Variants in CHST11 observed in about 807,000 individuals in gnomAD.
CHST11 encodes carbohydrate sulfotransferase 11.
CHST11 carries 9 observed loss-of-function variants against 30.4 expected under a neutral mutation model. That is an observed-to-expected ratio of 0.30 (90% CI 0.18 to 0.52). The LOEUF is 0.52. Ranked by LOEUF, CHST11 falls within the 20% of genes least tolerant of loss-of-function variation. The pLI is 0.97. For missense variants in CHST11, 348 were observed against 460.6 expected, an observed-to-expected ratio of 0.76 and a Z score of 2.24; for synonymous variants, 152 against 187.8, an observed-to-expected ratio of 0.81 and a Z score of 1.56.
chr12:104,688,126 G>A (rs537213272), intron 2 of CHST11, among the ~76,000 whole-genome samples: 39 of 152,306 alleles, frequency 2.6e-4, no homozygotes, highest in Admixed American at 2.2e-3. Flanking sequence ...CGTTAAGAAC[G>A]CCAGGCTGTT....
At chr12:104,502,611 G>T (rs1320891633) in intron 1 of CHST11, among the ~76,000 whole-genome samples, 2 of 152,198 alleles carry the variant, frequency 1.3e-5, no homozygotes, top group African/African-American at 2.4e-5. Context: ...AGGTGATCCA[G>T]ATGGAGAGAG....
At chr12:104,625,042 A>T (rs1022655679) in intron 2 of CHST11, among the ~76,000 whole-genome samples, 9 of 152,348 alleles carry the variant, frequency 5.9e-5, no homozygotes, top group Admixed American at 2.0e-4. Flanking sequence ...TGGAGGATAG[A>T]GCTTCAACAT....
intron 2 of CHST11, among the ~76,000 whole-genome samples, chr12:104,673,853 G>A (rs1186122272): frequency 2.0e-5 from 3 of 152,214 alleles, no homozygotes; most frequent in African/African-American, 4.8e-5. Flanking sequence ...GGTCAGCCTC[G>A]TGACACATGT....
intron 2 of CHST11, among the ~76,000 whole-genome samples, chr12:104,650,518 G>C (rs1027564306): frequency 6.6e-6 from 1 of 152,112 alleles, no homozygotes; most frequent in African/African-American, 2.4e-5. Flanking sequence ...TCTATGAGAG[G>C]AGTCTCTAGA....
At chr12:104,737,386 G>T (rs914175703) in intron 2 of CHST11, among the ~76,000 whole-genome samples, 34 of 152,246 alleles carry the variant, frequency 2.2e-4, no homozygotes, top group African/African-American at 8.0e-4. Flanking sequence ...ATGAATTCAA[G>T]CCCTCTGAGC....
Position 104,757,298 on chromosome 12 carries a change from T to C in CHST11, c.554T>C (p.Val185Ala). Reference protein sequence around the residue: ...RLKSYMKFLFVREPFERLVSA... With the variant: ...RLKSYMKFLFAREPFERLVSA... ...AAAAGCTACATGAAGTTCCTGTTTG[T>C]CCGGGAGCCCTTCGAGAGGCTAGTG... Residue 185 changes from valine to alanine, a missense_variant, in exon 3 of 3, where the codon GTC becomes GCC. Physicochemically the swap from Val to Ala is moderately conservative, Grantham distance 64 (BLOSUM62 0). This residue lies in a region of CHST11 where 210 missense variants were observed against 287.2 expected (regional missense o/e 0.73). Coordinates refer to ENST00000303694, the MANE Select transcript of CHST11 (RefSeq NM_018413.6). The surrounding 1 kb of genome is among the most constrained non-coding windows in gnomAD (Gnocchi z 6.5). 2 of 1,614,102 alleles carry C rather than the reference T, an allele frequency of 1.2e-6. No homozygotes were observed.
chr12:104,458,093 C>CG lies in CHST11; in HGVS notation c.118+567dup, dbSNP rs2037372719. On this transcript the variant is annotated intron_variant, in intron 1 of 2. Coordinates refer to ENST00000303694, the MANE Select transcript of CHST11 (RefSeq NM_018413.6). The surrounding 1 kb of genome is among the most constrained non-coding windows in gnomAD (Gnocchi z 5.7). ...CCCGGGACTGGGCTCCCACGTGTCC[C>CG]GGGCTCCGCGCAGAGCTGAGCAGGT... 6.6e-6 allele frequency among the ~76,000 whole-genome samples: 1 copy of CG among 151,902 alleles called. No individual in the cohort carries two copies. The highest frequency in any genetic ancestry group is 1.5e-5 in the Non-Finnish European group (1 of 67,946).
chr12:104,553,329 A>G (rs1252557532), intron 1 of CHST11: 2 of 152,250 alleles, frequency 1.3e-5, no homozygotes, highest in Non-Finnish European at 2.9e-5. Context: ...TTTGAGCTGA[A>G]TTTCCAAAGG....
At chr12:104,570,318 G>A (rs554618219) in intron 1 of CHST11, among the ~76,000 whole-genome samples, 7 of 152,062 alleles carry the variant, frequency 4.6e-5, no homozygotes, top group Non-Finnish European at 1.0e-4. Flanking sequence ...CATTTCGCAA[G>A]CCTCCCCCTC....
At position 104,686,410 on chromosome 12, in the gene CHST11, C is replaced by T. The variant is rs1433972505; in HGVS notation, c.205-70539C>T. Among the ~76,000 whole-genome samples, 4 of 152,006 alleles carry T rather than the reference C, an allele frequency of 2.6e-5. No homozygotes were observed. The East Asian group carries it at 5.8e-4, about 22-fold the overall frequency. ...CCTCTGCTCACTCAGGTGCAGAAGACAGTAAAGACTAGAAAGTTGGTTGAT... is the reference window on the plus strand; with the variant it reads ...CCTCTGCTCACTCAGGTGCAGAAGATAGTAAAGACTAGAAAGTTGGTTGAT... On this transcript the variant is annotated intron_variant, in intron 2 of 2. Transcript: ENST00000303694.
chr12:104,744,575 T>C (rs2040373989), intron 2 of CHST11, among the ~76,000 whole-genome samples: 1 of 152,240 alleles, frequency 6.6e-6, no homozygotes, highest in South Asian at 2.1e-4. Context: ...CTGTTGATAG[T>C]TTCTTTTGCT....
chr12:104,465,482 A>G (rs2037448508), intron 1 of CHST11, among the ~76,000 whole-genome samples: 1 of 152,202 alleles, frequency 6.6e-6, no homozygotes, highest in African/African-American at 2.4e-5. Context: ...TTTCAAGGCT[A>G]CTGAGCTGTC....
chr12:104,683,979 G>A (rs2039821970), intron 2 of CHST11, among the ~76,000 whole-genome samples: 1 of 152,202 alleles, frequency 6.6e-6, no homozygotes, highest in African/African-American at 2.4e-5. Context: ...AGGGCAGAGA[G>A]GTGAAAGAAT....
chr12:104,685,046 G>T (rs11112167), intron 2 of CHST11, among the ~76,000 whole-genome samples: 9,862 of 152,238 alleles, frequency 0.065, 593 homozygotes, highest in East Asian at 0.3. Flanking sequence ...CATGGATTTT[G>T]TTCCTCCTCT....
intron 1 of CHST11, among the ~76,000 whole-genome samples, chr12:104,599,956 C>T (rs1165438751): frequency 6.6e-6 from 1 of 152,204 alleles, no homozygotes; most frequent in African/African-American, 2.4e-5. Flanking sequence ...CCAGCCACAC[C>T]CATTCATTTC....
At chr12:104,586,673 T>C (rs2038807687) in intron 1 of CHST11, among the ~76,000 whole-genome samples, 1 of 152,248 alleles carries the variant, frequency 6.6e-6, no homozygotes, top group Non-Finnish European at 1.5e-5. Context: ...CACTTCGGCA[T>C]GTTTTCTGCC....
At chr12:104,466,241 G>T (rs1484041961) in intron 1 of CHST11, among the ~76,000 whole-genome samples, 1 of 152,056 alleles carries the variant, frequency 6.6e-6, no homozygotes, top group Admixed American at 6.5e-5. Flanking sequence ...TGGAGGAATG[G>T]GGCTCCAGGA....
intron 2 of CHST11, among the ~76,000 whole-genome samples, chr12:104,679,033 C>T (rs771656157): frequency 6.6e-6 from 1 of 152,106 alleles, no homozygotes; most frequent in Admixed American, 6.5e-5. Flanking sequence ...TAAGAGGGCA[C>T]CCATGATGTC....
chr12:104,666,110 A>G (rs764804646), intron 2 of CHST11, among the ~76,000 whole-genome samples: 105 of 151,856 alleles, frequency 6.9e-4, no homozygotes, highest in East Asian at 4.1e-3. Flanking sequence ...GAGCCACCGC[A>G]CCCGGCCTCT....
Sources: allele counts gnomAD v4.1 joint callset (sites outside exome capture counted in the v4.1 genomes callset), GRCh38; gene constraint gnomAD v4.1.1; regional missense constraint gnomAD v4.1.1; non-coding constraint Gnocchi (gnomAD v3.1); transcripts MANE v1.5; gene names NCBI Gene and HGNC (gene_info 2026-07-23, HGNC 2026-07-21).